The following OXSR1 variants were observed in gnomAD, a reference collection of about 807,000 sequenced individuals.
OXSR1 encodes serine/threonine-protein kinase OSR1.
Under a neutral mutation model 79.8 loss-of-function variants are expected in OXSR1, and 24 were observed. The ratio of observed to expected loss-of-function variants is 0.30; its 90% CI spans 0.22 to 0.42. The LOEUF (loss-of-function observed/expected upper bound fraction) is 0.42. Ranked by LOEUF, OXSR1 falls within the 10% of genes least tolerant of loss-of-function variation. The pLI is 1.00. For synonymous variants in OXSR1, 226 were observed against 209.2 expected, an observed-to-expected ratio of 1.08 and a Z score of -0.69; for missense variants, 430 against 618.4, an observed-to-expected ratio of 0.70 and a Z score of 3.23.
At chr3:38,169,328 T>C (rs1410680772) in intron 1 of OXSR1, among the ~76,000 whole-genome samples, 1 of 152,034 alleles carries the variant, frequency 6.6e-6, no homozygotes, top group East Asian at 1.9e-4. Context: ...TGTTTTGAGA[T>C]GGAGTCTTGC....
At chr3:38,243,621 AC>A (rs1236525344) in intron 12 of OXSR1, among the ~76,000 whole-genome samples, 5 of 152,026 alleles carry the variant, frequency 3.3e-5, no homozygotes, top group Admixed American at 2.0e-4. Flanking sequence ...CACATCTCTT[AC>A]TCTTAAACCA....
intron 15 of OXSR1, chr3:38,250,279 C>G (rs895962925): frequency 2.9e-6 from 1 of 343,088 alleles, no homozygotes; most frequent in East Asian, 6.1e-5. Context: ...TTGTCTTAAG[C>G]GTTATCTTAT....
chr3:38,187,328 CTG>C, intron 2 of OXSR1, among the ~76,000 whole-genome samples: 1 of 152,282 alleles, frequency 6.6e-6, no homozygotes, highest in African/African-American at 2.4e-5. Flanking sequence ...TTGAGGTACA[CTG>C]TGCTATACAG....
intron 1 of OXSR1, among the ~76,000 whole-genome samples, chr3:38,180,497 TC>T (rs1701763072): frequency 1.3e-5 from 2 of 150,914 alleles, no homozygotes; most frequent in Admixed American, 1.3e-4. Flanking sequence ...CCGTATTTGC[TC>T]CCTGGCTCAT....
At chr3:38,208,727 C>A (rs1434633772) in intron 4 of OXSR1, among the ~76,000 whole-genome samples, 2 of 152,060 alleles carry the variant, frequency 1.3e-5, no homozygotes, top group African/African-American at 2.4e-5. Flanking sequence ...ATGGTGAAAC[C>A]CTGTCTCTAC....
chr3:38,211,305 C>T (rs1160427668), intron 4 of OXSR1, among the ~76,000 whole-genome samples: 1 of 152,150 alleles, frequency 6.6e-6, no homozygotes, highest in African/African-American at 2.4e-5. Context: ...CTCTGTGGCA[C>T]GGTCCCAGGA....
At chr3:38,175,718 G>T (rs183284622) in intron 1 of OXSR1, among the ~76,000 whole-genome samples, 1 of 152,206 alleles carries the variant, frequency 6.6e-6, no homozygotes, top group African/African-American at 2.4e-5. Context: ...GAGTTACCCA[G>T]TTTGAAAGAT....
chr3:38,198,464 C>T (rs905059914), intron 3 of OXSR1, among the ~76,000 whole-genome samples: 18 of 152,190 alleles, frequency 1.2e-4, no homozygotes, highest in African/African-American at 4.1e-4. Context: ...TAAATATCCT[C>T]TACTACCTCA....
At chr3:38,192,364 G>GT (rs1373600899) in intron 3 of OXSR1, among the ~76,000 whole-genome samples, 42 of 152,244 alleles carry the variant, frequency 2.8e-4, no homozygotes, top group African/African-American at 1.0e-3. Flanking sequence ...ACTCTAATGA[G>GT]CTTTGGTATT....
chr3:38,173,596 A>G (rs899657308), intron 1 of OXSR1, among the ~76,000 whole-genome samples: 7 of 152,262 alleles, frequency 4.6e-5, no homozygotes, highest in African/African-American at 1.7e-4. Context: ...GGCACACAGA[A>G]TGGATGCTCA....
At chr3:38,215,160 G>A (rs752432254) in intron 4 of OXSR1, among the ~76,000 whole-genome samples, 2 of 152,152 alleles carry the variant, frequency 1.3e-5, no homozygotes, top group Non-Finnish European at 2.9e-5. Flanking sequence ...GTCATGAAAT[G>A]CACTGGTCTC....
chr3:38,251,246 C>A (rs1350852799), intron 15 of OXSR1, among the ~76,000 whole-genome samples, 157 bp from the exon 16 acceptor site: 2 of 152,046 alleles, frequency 1.3e-5, no homozygotes, highest in Admixed American at 6.6e-5. Context: ...TAGGAAAAGT[C>A]TTTGTATGGA....
intron 4 of OXSR1, among the ~76,000 whole-genome samples, chr3:38,209,016 G>T (rs972033744): frequency 2.0e-5 from 3 of 152,144 alleles, no homozygotes; most frequent in African/African-American, 7.2e-5. Context: ...GTGCATGTTT[G>T]GTGGGGTATG....
At chr3:38,230,642 A>T in intron 10 of OXSR1, 1 of 462,554 alleles carries the variant, frequency 2.2e-6, no homozygotes, top group Non-Finnish European at 4.0e-6. Context: ...ATGAAAAGGG[A>T]TGCTAGACAG....
intron 8 of OXSR1, among the ~76,000 whole-genome samples, chr3:38,227,172 C>A (rs1392960121): frequency 6.6e-6 from 1 of 152,052 alleles, no homozygotes; most frequent in Admixed American, 6.5e-5. Flanking sequence ...TTAAACAGAA[C>A]AACCAATAAA....
chr3:38,251,864 A>G (rs1703264808), intron 16 of OXSR1, among the ~76,000 whole-genome samples: 1 of 152,246 alleles, frequency 6.6e-6, no homozygotes, highest in South Asian at 2.1e-4. Flanking sequence ...CAGTGAGGCC[A>G]CAGGTCCATG....
chr3:38,231,737 A>C (rs911333109), intron 10 of OXSR1, among the ~76,000 whole-genome samples: 5 of 152,142 alleles, frequency 3.3e-5, no homozygotes, highest in Admixed American at 6.6e-5. Flanking sequence ...ATATGTATAA[A>C]ATTTCTATGC....
intron 15 of OXSR1, 80 bp from the exon 16 acceptor site, chr3:38,251,323 C>G: frequency 1.7e-6 from 2 of 1,173,798 alleles, no homozygotes; most frequent in Non-Finnish European, 2.6e-6. Flanking sequence ...GCATGGCACA[C>G]TGACACCCAC....
At position 38,230,441 on chromosome 3, in the gene OXSR1, A is replaced by C. The variant is rs1702781692; in HGVS notation, c.951+11A>C. On this transcript the variant is annotated intron_variant, in intron 10 of 17. Coordinates refer to ENST00000311806, the MANE Select transcript of OXSR1 (RefSeq NM_005109.3). ...GAAAGAGCAAAAAAGGTAAATCAGA[A>C]TTTAACTCAGTTTTCCTGAAGAATT... is the stretch of plus-strand genomic sequence containing the variant. 1 of 1,567,288 alleles carries C rather than the reference A, an allele frequency of 6.4e-7. No homozygotes were observed. The highest frequency in any genetic ancestry group is 8.8e-7 in the Non-Finnish European group (1 of 1,139,080).
Sources: allele counts gnomAD v4.1 joint callset (sites outside exome capture counted in the v4.1 genomes callset), GRCh38; gene constraint gnomAD v4.1.1; transcripts MANE v1.5; gene names NCBI Gene and HGNC (gene_info 2026-07-23, HGNC 2026-07-21).